The following EPC1 variants were observed in gnomAD, a reference collection of about 807,000 sequenced individuals.
EPC1 encodes enhancer of polycomb 1, also known as enhancer of polycomb homolog 1.
Under a neutral mutation model 98.4 loss-of-function variants are expected in EPC1, and 12 were observed. That is an observed-to-expected ratio of 0.12 (90% CI 0.08 to 0.20). EPC1 has a LOEUF of 0.20. EPC1 is among the 10% of genes least tolerant of loss of function. The pLI is 1.00. For synonymous variants in EPC1, 357 were observed against 363.9 expected (o/e 0.98, Z 0.21); for missense variants, 729 against 990.5 (o/e 0.74, Z 3.54).
chr10:32,314,888 T>C (rs796650869), intron 1 of EPC1, among the ~76,000 whole-genome samples: 10 of 152,350 alleles, frequency 6.6e-5, no homozygotes, highest in Admixed American at 1.3e-4. Context: ...CACCCCACCA[T>C]TGGAAATTCC....
rs778822286 is a variant in EPC1, at chr10:32,293,706, A to G, written c.345T>C (p.Tyr115=). 3 of 1,613,394 alleles carry G rather than the reference A, an allele frequency of 1.9e-6. No individual in the cohort carries two copies. In the South Asian group the frequency reaches 3.3e-5, roughly 18 times the overall value. The part of the protein sequence containing the change: ...PFSLDAEQPD[Y]DLDSEDEVFV... Reference sequence around the variant, plus strand: ...ATACTTCATCTTCAGAATCCAAATCATAATCAGGCTGTTCAGCATCCAAAC... The same window carrying G: ...ATACTTCATCTTCAGAATCCAAATCGTAATCAGGCTGTTCAGCATCCAAAC... The change falls in exon 3 of 14, where the codon TAT becomes TAC. Residue 115 remains tyrosine, a synonymous_variant. Coordinates refer to ENST00000319778, the MANE Select transcript of EPC1 (RefSeq NM_001272004.3).
At chr10:32,323,360 A>C (rs1837054731) in intron 1 of EPC1, among the ~76,000 whole-genome samples, 1 of 152,150 alleles carries the variant, frequency 6.6e-6, no homozygotes, top group Non-Finnish European at 1.5e-5. Context: ...TCTTGTTCAA[A>C]TATGTGTATT....
intron 1 of EPC1, among the ~76,000 whole-genome samples, chr10:32,335,842 T>C (rs890578709): frequency 5.3e-5 from 8 of 152,194 alleles, no homozygotes; most frequent in African/African-American, 1.9e-4. Flanking sequence ...CTAATAATTG[T>C]GCCACCTCTG....
At chr10:32,339,197 C>G (rs1838174455) in intron 1 of EPC1, among the ~76,000 whole-genome samples, 1 of 152,078 alleles carries the variant, frequency 6.6e-6, no homozygotes, top group African/African-American at 2.4e-5. Context: ...ATTCTCTAAA[C>G]ACATAAAATT....
At chr10:32,354,383 G>C (rs1268011822) in intron 1 of EPC1, among the ~76,000 whole-genome samples, 1 of 152,124 alleles carries the variant, frequency 6.6e-6, no homozygotes, top group African/African-American at 2.4e-5. Context: ...GGACCCGGGA[G>C]GCGGAGCTTG....
exon 1 of EPC1, chr10:32,378,555 T>A: frequency 7.4e-7 from 1 of 1,346,052 alleles, no homozygotes; most frequent in Non-Finnish European, 1.0e-6. Flanking sequence ...GGCTGGATAC[T>A]TGTGTCCCTA....
intron 1 of EPC1, among the ~76,000 whole-genome samples, chr10:32,355,941 C>A (rs140475900): frequency 6.6e-6 from 1 of 152,098 alleles, no homozygotes; most frequent in Non-Finnish European, 1.5e-5. Context: ...AGATAGACTA[C>A]TTAAGCATTA....
At chr10:32,302,899 T>A (rs1222543578) in intron 2 of EPC1, among the ~76,000 whole-genome samples, 1 of 152,106 alleles carries the variant, frequency 6.6e-6, no homozygotes, top group African/African-American at 2.4e-5. Context: ...CTGGTGATAA[T>A]ATAAAATGGT....
At position 32,269,067 on chromosome 10, in the gene EPC1, G is replaced by A. The variant is rs1166259814; in HGVS notation, c.2438C>T (p.Thr813Met). The change falls in exon 14 of 14, where the codon ACG becomes ATG. Residue 813 changes from threonine (T) to methionine (M), a missense_variant. Physicochemically the swap from Thr to Met is moderately conservative, Grantham distance 81. Around this residue, in one of 6 missense-constraint regions of EPC1, gnomAD observed 156 missense variants for 188.9 expected, o/e 0.83. Coordinates refer to ENST00000319778, the MANE Select transcript of EPC1 (RefSeq NM_001272004.3). ...IADNTVAMEV[T>M] ...TGCAGTTCCACTCGGAGGAAGCTAC[G>A]TCACCTCCATCGCTACTGTGTTGTC... The A allele has an allele frequency of 3.1e-6, 5 of 1,613,410 alleles. No individual in the cohort carries two copies. The highest frequency in any genetic ancestry group is 2.2e-5 in the South Asian group (2 of 91,016).
intron 1 of EPC1, among the ~76,000 whole-genome samples, chr10:32,333,213 G>A (rs188841090): frequency 3.3e-5 from 5 of 152,196 alleles, no homozygotes; most frequent in East Asian, 1.9e-4. Flanking sequence ...GGTGGCGTGC[G>A]CCTGTAGTCC....
intron 1 of EPC1, among the ~76,000 whole-genome samples, chr10:32,376,664 T>A (rs141003078): frequency 2.8e-3 from 423 of 152,168 alleles, no homozygotes; most frequent in African/African-American, 9.4e-3. Flanking sequence ...AAATCAGAAA[T>A]ACTATTTTTA....
intron 1 of EPC1, among the ~76,000 whole-genome samples, chr10:32,342,753 C>A (rs993831814): frequency 5.9e-5 from 9 of 152,126 alleles, no homozygotes; most frequent in African/African-American, 1.4e-4. Flanking sequence ...GAACAACGCA[C>A]CCTAGACAAC....
chr10:32,378,433 C>T, intron 1 of EPC1: 1 of 1,430,084 alleles, frequency 7.0e-7, no homozygotes, highest in East Asian at 2.5e-5. Flanking sequence ...AATGAAAATC[C>T]TTTTTAGCCG....
At chr10:32,282,375 C>G (rs910962776) in intron 10 of EPC1, 3 of 152,130 alleles carry the variant, frequency 2.0e-5, no homozygotes, top group African/African-American at 7.2e-5. Context: ...AAAAAATTAG[C>G]CAGTCATGGT....
intron 1 of EPC1, among the ~76,000 whole-genome samples, chr10:32,352,702 T>C (rs1179983126): frequency 6.6e-6 from 1 of 152,164 alleles, no homozygotes; most frequent in African/African-American, 2.4e-5. Flanking sequence ...ATAGCTACCA[T>C]TTATGGAACA....
At chr10:32,284,130 T>C (rs541106484) in intron 10 of EPC1, 1 of 152,228 alleles carries the variant, frequency 6.6e-6, no homozygotes, top group Non-Finnish European at 1.5e-5. Context: ...ATATTTTAAA[T>C]AAACAGCATT....
chr10:32,334,680 C>T (rs919160475), intron 1 of EPC1, among the ~76,000 whole-genome samples: 3 of 152,296 alleles, frequency 2.0e-5, no homozygotes, highest in Admixed American at 6.5e-5. Flanking sequence ...GTCCTAGACT[C>T]AGATAATTTA....
intron 1 of EPC1, among the ~76,000 whole-genome samples, chr10:32,322,249 T>G (rs1431131417): frequency 6.6e-6 from 1 of 151,978 alleles, no homozygotes; most frequent in Non-Finnish European, 1.5e-5. Context: ...CTATTAAAAT[T>G]TGTTAGTTCT....
At chr10:32,342,704 CAGGAG>C (rs1187161170) in intron 1 of EPC1, among the ~76,000 whole-genome samples, 1 of 152,112 alleles carries the variant, frequency 6.6e-6, no homozygotes, top group African/African-American at 2.4e-5. Flanking sequence ...GTCTAGGTAA[CAGGAG>C]AGGAAAGGTT....
Sources: gnomAD v4.1 joint callset for allele counts (sites outside exome capture counted in the v4.1 genomes callset) on GRCh38, gnomAD v4.1.1 for gene constraint, gnomAD v4.1.1 regional missense constraint, MANE v1.5 for transcripts, NCBI Gene and HGNC (gene_info 2026-07-23, HGNC 2026-07-21) for gene names.